Variants in SPTLC2 observed in about 807,000 individuals in gnomAD.
SPTLC2 encodes serine palmitoyltransferase 2.
SPTLC2 carries 21 observed loss-of-function variants against 62.0 expected under a neutral mutation model. That is an observed-to-expected ratio of 0.34 (90% CI 0.24 to 0.49). The LOEUF (loss-of-function observed/expected upper bound fraction) is 0.49, where lower values mean the gene tolerates loss of function less well. Ranked by LOEUF, SPTLC2 falls within the 20% of genes least tolerant of loss-of-function variation. The pLI is 0.99. For missense variants in SPTLC2, 511 were observed against 713.0 expected (o/e 0.72, Z 3.23); for synonymous variants, 261 against 261.8 (o/e 1.00, Z 0.03).
At position 77,595,756 on chromosome 14, in the gene SPTLC2, C is replaced by T. The variant is rs528222540; in HGVS notation, c.327+1430G>A. Among the ~76,000 whole-genome samples the T allele has an allele frequency of 8.5e-5, 13 of 152,282 alleles. No individual in the cohort carries two copies. The South Asian group carries it at 1.7e-3, about 19-fold the overall frequency. The stretch of plus-strand genomic sequence containing the variant: ...CTTCTACAATCAATGTTCACTGGCT[C>T]GTCTCAGCGTTGACTTTGCTCACCC... On this transcript the variant is annotated intron_variant, in intron 2 of 11. Coordinates refer to ENST00000216484, the MANE Select transcript of SPTLC2 (RefSeq NM_004863.4).
rs199819444 is a variant in SPTLC2 at position 77,534,178 on chromosome 14, TCACACACACACACACA to T, written c.1304-12613_1304-12598del. On this transcript the variant is annotated intron_variant, in intron 9 of 11. Transcript: ENST00000216484. Reference sequence around the variant, plus strand: ...GTCTCTCTCTCTTTCTCTCTCTCTCTCACACACACACACACACACACACACACACACACACACACAC... The same window carrying T: ...GTCTCTCTCTCTTTCTCTCTCTCTCTCACACACACACACACACACACACAC... Among the ~76,000 whole-genome samples, 103 of 115,000 alleles carry T rather than the reference TCACACACACACACACA, an allele frequency of 9.0e-4. 3 individuals are homozygous for T. In the South Asian group the frequency reaches 0.024, roughly 27 times the overall value. The allele number at this position is 115,000 out of a possible 152,430, so 75.4% of individuals were successfully genotyped here. A position where few individuals can be genotyped will look rare whatever the true frequency, so the allele number is the denominator to read the frequency against.
chr14:77,516,002 GTGTGCGCGCGCGCGCA>G (rs2079357102), intron 11 of SPTLC2, among the ~76,000 whole-genome samples: 2 of 22,636 alleles, frequency 8.8e-5, no homozygotes, highest in Non-Finnish European at 4.8e-4. Flanking sequence ...GTGTGTGTGT[GTGTGCGCGCGCGCGCA>G]TGTGTGTGTG....
chr14:77,595,900 A>G (rs1472072046), intron 2 of SPTLC2, among the ~76,000 whole-genome samples: 2 of 152,202 alleles, frequency 1.3e-5, no homozygotes, highest in Admixed American at 6.5e-5. Flanking sequence ...CATGTGGGAC[A>G]TGCCAAGAAC....
intron 2 of SPTLC2, among the ~76,000 whole-genome samples, chr14:77,596,558 C>T (rs1302067055): frequency 6.6e-6 from 1 of 152,112 alleles, no homozygotes; most frequent in Non-Finnish European, 1.5e-5. Flanking sequence ...TACAAAGGAA[C>T]ATGCAGAGAA....
intron 9 of SPTLC2, among the ~76,000 whole-genome samples, chr14:77,524,659 G>T (rs1594970048): frequency 6.6e-6 from 1 of 152,162 alleles, no homozygotes. Flanking sequence ...GCACACAACG[G>T]AATACTATCC....
chr14:77,531,138 C>T (rs780055573), intron 9 of SPTLC2, among the ~76,000 whole-genome samples: 2 of 152,160 alleles, frequency 1.3e-5, no homozygotes, highest in African/African-American at 2.4e-5. Flanking sequence ...AAAGAGGGCA[C>T]CCTGCAAAAT....
At chr14:77,587,836 G>C (rs986944911) in intron 2 of SPTLC2, among the ~76,000 whole-genome samples, 1 of 150,910 alleles carries the variant, frequency 6.6e-6, no homozygotes. Context: ...AAGATTTCAA[G>C]ACATTTCATT....
At chr14:77,554,258 CTTCA>C (rs781086752) in intron 8 of SPTLC2, among the ~76,000 whole-genome samples, 97 of 152,250 alleles carry the variant, frequency 6.4e-4, no homozygotes, top group Middle Eastern at 3.4e-3. Flanking sequence ...AAAATAACAG[CTTCA>C]TTGTGATATA....
chr14:77,557,426 G>A (rs1481419990), intron 6 of SPTLC2: 2 of 440,582 alleles, frequency 4.5e-6, no homozygotes, highest in Non-Finnish European at 8.3e-6. Flanking sequence ...AGTGTCTCAT[G>A]TTAAATACCC....
At chr14:77,543,612 G>T (rs1436839906) in intron 9 of SPTLC2, among the ~76,000 whole-genome samples, 1 of 152,030 alleles carries the variant, frequency 6.6e-6, no homozygotes, top group Non-Finnish European at 1.5e-5. Flanking sequence ...GTAATTTGAG[G>T]ATTAATAGGT....
At chr14:77,519,905 T>G (rs1170488533) in intron 10 of SPTLC2, among the ~76,000 whole-genome samples, 1 of 152,302 alleles carries the variant, frequency 6.6e-6, no homozygotes, top group African/African-American at 2.4e-5. Context: ...TTTTAACTTC[T>G]TAAATGCACA....
rs146179170 is a variant in SPTLC2, at chr14:77,539,024, A to C, written c.1303+13072T>G. 5.1e-3 allele frequency among the ~76,000 whole-genome samples: 773 copies of C among 152,116 alleles called. 7 individuals carry two copies. The highest frequency in any genetic ancestry group is 8.9e-3 in the Non-Finnish European group (604 of 68,002). ...GGCAATGGGGATGATGATGATGATG[A>C]TAACTACCTACTAGATAAGGCTGTT... On this transcript the variant is annotated intron_variant, in intron 9 of 11. Transcript: ENST00000216484.
chr14:77,600,545 A>G (rs2079871498), intron 1 of SPTLC2, among the ~76,000 whole-genome samples: 1 of 152,212 alleles, frequency 6.6e-6, no homozygotes, highest in Admixed American at 6.5e-5. Flanking sequence ...GAGGAAAAAC[A>G]CCAGGTCTGT....
At chr14:77,604,657 C>T (rs959268904) in intron 1 of SPTLC2, among the ~76,000 whole-genome samples, 1 of 151,924 alleles carries the variant, frequency 6.6e-6, no homozygotes, top group African/African-American at 2.4e-5. Flanking sequence ...CACCTGAGGT[C>T]AGGAGTTTGA....
intron 8 of SPTLC2, chr14:77,554,942 C>A (rs777600631): frequency 1.5e-4 from 51 of 335,986 alleles, no homozygotes; most frequent in Non-Finnish European, 2.5e-4. Context: ...ACCTGCTATT[C>A]CCATGGGCTC....
intron 2 of SPTLC2, among the ~76,000 whole-genome samples, chr14:77,587,456 C>G (rs1019897299): frequency 6.6e-6 from 1 of 151,992 alleles, no homozygotes; most frequent in African/African-American, 2.4e-5. Context: ...AAAAAAGCCT[C>G]AATATCCATT....
intron 5 of SPTLC2, among the ~76,000 whole-genome samples, chr14:77,564,443 A>G (rs1350462320): frequency 1.6e-5 from 2 of 123,826 alleles, no homozygotes; most frequent in Non-Finnish European, 3.6e-5. Context: ...ACACACACAC[A>G]CACACACAGA....
intron 3 of SPTLC2, chr14:77,578,754 T>A: frequency 1.9e-6 from 1 of 531,232 alleles, no homozygotes; most frequent in Non-Finnish European, 3.3e-6. Flanking sequence ...TTCTGAACTA[T>A]AATCCAACAC....
chr14:77,527,184 C>T (rs1302500332), intron 9 of SPTLC2, among the ~76,000 whole-genome samples: 1 of 151,890 alleles, frequency 6.6e-6, no homozygotes, highest in Non-Finnish European at 1.5e-5. Context: ...GCAATCTCTG[C>T]CTCTCAGGCT....
Sources: allele counts gnomAD v4.1 joint callset (sites outside exome capture counted in the v4.1 genomes callset), GRCh38; gene constraint gnomAD v4.1.1; transcripts MANE v1.5; gene names NCBI Gene and HGNC (gene_info 2026-07-23, HGNC 2026-07-21).